ANKRD44: variants seen among roughly 807,000 people sequenced by gnomAD.
ANKRD44 encodes serine/threonine-protein phosphatase 6 regulatory ankyrin repeat subunit B.
Under a neutral mutation model 116.0 loss-of-function variants are expected in ANKRD44, and 35 were observed. The observed-to-expected ratio is 0.30, with a 90% confidence interval of 0.23 to 0.40. The LOEUF (loss-of-function observed/expected upper bound fraction) is 0.40. Among genes scored for constraint, ANKRD44 ranks in the 10% least tolerant of loss-of-function variants. The pLI is 1.00. For synonymous variants in ANKRD44, 435 were observed against 461.8 expected (o/e 0.94, Z 0.74); for missense variants, 1,014 against 1,242.6 (o/e 0.82, Z 2.77).
chr2:197,294,931 C>T (rs1280890284), intron 1 of ANKRD44, among the ~76,000 whole-genome samples: 2 of 152,142 alleles, frequency 1.3e-5, no homozygotes, highest in African/African-American at 4.8e-5. Flanking sequence ...TACATATTAA[C>T]TGTTTCTGAG....
intron 2 of ANKRD44, among the ~76,000 whole-genome samples, chr2:197,160,210 T>C (rs1258270532): frequency 6.6e-6 from 1 of 152,214 alleles, no homozygotes. Flanking sequence ...CTCATTTTTC[T>C]TTTTCATTCT....
At chr2:197,059,328 G>A (rs945606714) in intron 16 of ANKRD44, among the ~76,000 whole-genome samples, 1 of 152,190 alleles carries the variant, frequency 6.6e-6, no homozygotes, top group African/African-American at 2.4e-5. Context: ...CACAAAAGCT[G>A]TACAAATCAA....
intron 3 of ANKRD44, among the ~76,000 whole-genome samples, chr2:197,140,042 C>T (rs2079322565): frequency 6.6e-6 from 1 of 151,846 alleles, no homozygotes; most frequent in South Asian, 2.1e-4. Flanking sequence ...ATCATGCCCA[C>T]CTAATTTTTT....
rs1293992154 is a variant in ANKRD44 at position 197,001,842 on chromosome 2, T to C, written c.2348-2A>G. ...GTACCTCTATACAGTTTTCATTACCTGCAAGAAATAAAAATAATTTAGGGA... is the reference window on the plus strand; with the variant it reads ...GTACCTCTATACAGTTTTCATTACCCGCAAGAAATAAAAATAATTTAGGGA... On this transcript the variant is annotated splice_acceptor_variant, in intron 21 of 27. Transcript: ENST00000282272. LOFTEE classifies it high-confidence loss of function. The C allele has an allele frequency of 6.2e-7, 1 of 1,603,760 alleles. No individual in the cohort carries two copies.
At chr2:197,268,070 A>G (rs2082787961) in intron 1 of ANKRD44, among the ~76,000 whole-genome samples, 1 of 152,250 alleles carries the variant, frequency 6.6e-6, no homozygotes, top group Admixed American at 6.5e-5. Context: ...GGAACTCAGC[A>G]CAGGTTTTAC....
At chr2:197,186,882 T>C (rs569130094) in intron 2 of ANKRD44, 141 bp downstream of exon 2, 8 of 626,658 alleles carry the variant, frequency 1.3e-5, no homozygotes, top group Admixed American at 1.2e-4. Flanking sequence ...TTATTTCTTA[T>C]ATAGGGTTTA....
chr2:197,133,766 G>C (rs949824469), intron 4 of ANKRD44, among the ~76,000 whole-genome samples: 1 of 151,812 alleles, frequency 6.6e-6, no homozygotes, highest in African/African-American at 2.4e-5. Context: ...CCAACTATTA[G>C]TTAGGAGAGG....
Position 197,005,759 on chromosome 2 carries a change from G to A in ANKRD44, c.2282C>T (p.Ser761Phe), listed in dbSNP as rs1234739075. The change falls in exon 21 of 28, where the codon TCT (serine) becomes TTT (phenylalanine). Residue 761 changes from serine (S) to phenylalanine (F), a missense_variant. By Grantham distance (155) the Ser-to-Phe change is radical (BLOSUM62 -2). Transcript: ENST00000282272. ...WLSELLQMAL[S>F]EEDCCFKDNQ... ...ATCTTTGAAACAACAGTCCTCCTCA[G>A]AAAGAGCCATTTGGAGCAGCTCGCT... The A allele has an allele frequency of 6.2e-7, 1 of 1,614,242 alleles. No homozygotes were observed. Among genetic ancestry groups the A allele is most frequent in the Non-Finnish European group, 8.5e-7 (1 of 1,180,046 alleles).
At chr2:197,263,099 C>A (rs1331965788) in intron 1 of ANKRD44, 1 of 465,304 alleles carries the variant, frequency 2.1e-6, no homozygotes, top group Non-Finnish European at 4.1e-6. Flanking sequence ...CACAGCCCCT[C>A]ACCCCCTGAA....
chr2:197,007,503 T>A (rs1223798221), intron 20 of ANKRD44, among the ~76,000 whole-genome samples: 1 of 152,254 alleles, frequency 6.6e-6, no homozygotes, highest in Non-Finnish European at 1.5e-5. Flanking sequence ...TTTTCTATGA[T>A]ATACTTGTAT....
At chr2:197,047,669 T>C (rs927293491) in intron 16 of ANKRD44, among the ~76,000 whole-genome samples, 4 of 152,102 alleles carry the variant, frequency 2.6e-5, no homozygotes, top group Admixed American at 1.3e-4. Flanking sequence ...CCCAACACTT[T>C]GGGAGGCCGA....
rs116227849 is a variant in ANKRD44, at chr2:197,232,945, T to G, written c.28-45839A>C. On this transcript the variant is annotated intron_variant, in intron 1 of 27. Coordinates refer to ENST00000282272, the MANE Select transcript of ANKRD44 (RefSeq NM_001195144.2). ...CAAGACAGTTCTATTATATTTGTTA[T>G]TTTATTTGATCCTCATCTTTAGGCC... Among the ~76,000 whole-genome samples the G allele has an allele frequency of 7.7e-3, 1,177 of 152,374 alleles. 19 individuals are homozygous for G. The highest frequency in any genetic ancestry group is 0.027 in the African/African-American group (1,119 of 41,590).
intron 16 of ANKRD44, 41 bp from the exon 17 acceptor site, chr2:197,025,308 T>G: frequency 1.9e-6 from 3 of 1,574,008 alleles, no homozygotes; most frequent in Non-Finnish European, 2.6e-6. Flanking sequence ...TGAGTCCAAA[T>G]TTTGCAAAAT....
In ANKRD44 at chr2:196,989,134, T is replaced by TC. The variant is rs1428990304; in HGVS notation, c.*456dup. The TC allele has an allele frequency of 5.1e-6, 5 of 985,142 alleles. No individual in the cohort carries two copies. Among genetic ancestry groups the TC allele is most frequent in the African/African-American group, 1.7e-5 (1 of 57,172 alleles). 61.0% of individuals were successfully genotyped at this position (985,142 alleles called of 1,614,324 possible). On this transcript the variant is annotated 3_prime_UTR_variant, in exon 28 of 28. Transcript: ENST00000282272. ...AGCCCAGGGTCAAGTGTTTTTTTTTTCACTTTTTTTTTGTTATTCTAAATA... is the reference window on the plus strand; with the variant it reads ...AGCCCAGGGTCAAGTGTTTTTTTTTTCCACTTTTTTTTTGTTATTCTAAATA...
chr2:197,083,384 G>A lies in ANKRD44; in HGVS notation c.1442C>T (p.Ser481Leu), dbSNP rs1414061492. ...GRTALHYAAA[S>L]DMDRNKTILG... is the part of the protein sequence containing the mutation. ...CTGTTTTTACTTTCTATCCATGTCTGATGCAGCGGCGTAATGCAAAGCTGT... is the reference window on the plus strand; with the variant it reads ...CTGTTTTTACTTTCTATCCATGTCTAATGCAGCGGCGTAATGCAAAGCTGT... The change falls in exon 14 of 28, where the codon TCA becomes TTA. Residue 481 changes from serine to leucine, a missense_variant. Ser to Leu is a moderately radical substitution (Grantham distance 145). Coordinates refer to ENST00000282272, the MANE Select transcript of ANKRD44 (RefSeq NM_001195144.2). 1 of 1,612,810 alleles carries A rather than the reference G, an allele frequency of 6.2e-7. No individual in the cohort carries two copies. Among genetic ancestry groups the A allele is most frequent in the Non-Finnish European group, 8.5e-7 (1 of 1,179,588 alleles).
intron 1 of ANKRD44, among the ~76,000 whole-genome samples, chr2:197,235,620 A>G (rs2081961328): frequency 6.6e-6 from 1 of 151,684 alleles, no homozygotes; most frequent in African/African-American, 2.4e-5. Context: ...TGTCTAAAAA[A>G]AAAAAAAAAA....
chr2:197,032,450 G>A (rs189142944), intron 16 of ANKRD44, among the ~76,000 whole-genome samples: 1 of 148,798 alleles, frequency 6.7e-6, no homozygotes, highest in Non-Finnish European at 1.5e-5. Context: ...GTGCAGTGGT[G>A]CAATCTCAGC....
At chr2:197,255,746 A>G (rs1356674345) in intron 1 of ANKRD44, among the ~76,000 whole-genome samples, 1 of 152,216 alleles carries the variant, frequency 6.6e-6, no homozygotes. Flanking sequence ...GCAGCTACAC[A>G]GCGGCCAGGA....
chr2:197,161,983 G>C (rs142763665), intron 2 of ANKRD44, among the ~76,000 whole-genome samples: 2 of 152,044 alleles, frequency 1.3e-5, no homozygotes, highest in African/African-American at 4.8e-5. Flanking sequence ...ACCATGCTAC[G>C]GTCTCGTGAC....
Sources: allele counts gnomAD v4.1 joint callset (sites outside exome capture counted in the v4.1 genomes callset), GRCh38; gene constraint gnomAD v4.1.1; transcripts MANE v1.5; gene names NCBI Gene and HGNC (gene_info 2026-07-23, HGNC 2026-07-21).